JAKMIP3: variants seen among roughly 807,000 people sequenced by gnomAD.
JAKMIP3 encodes the protein Janus kinase and microtubule interacting protein 3.
JAKMIP3 carries 58 observed loss-of-function variants against 118.5 expected under a neutral mutation model. That is an observed-to-expected ratio of 0.49 (90% CI 0.40 to 0.61). The LOEUF (loss-of-function observed/expected upper bound fraction) is 0.61. Among genes scored for constraint, JAKMIP3 ranks in the 20% least tolerant of loss-of-function variants. The pLI, the probability that JAKMIP3 is intolerant of heterozygous loss-of-function variation, is 0.00. For synonymous variants in JAKMIP3, 486 were observed against 451.2 expected (o/e 1.08, Z -0.98); for missense variants, 950 against 1,109.0 (o/e 0.86, Z 2.04).
intron 23 of JAKMIP3, among the ~76,000 whole-genome samples, chr10:132,177,415 T>G (rs561193317): frequency 6.6e-6 from 1 of 151,728 alleles, no homozygotes; most frequent in East Asian, 1.9e-4. Context: ...GTGCATTTGG[T>G]CATGGTGTGT....
intron 19 of JAKMIP3, among the ~76,000 whole-genome samples, chr10:132,161,814 G>T (rs1271923758): frequency 1.7e-5 from 2 of 119,304 alleles, no homozygotes; most frequent in African/African-American, 6.7e-5. Context: ...TGTGATGCTG[G>T]GGGGGGCCTC....
chr10:132,117,388 G>A lies in JAKMIP3; in HGVS notation c.447G>A (p.Val149=). The A allele has an allele frequency of 6.2e-7, 1 of 1,614,012 alleles. No individual in the cohort carries two copies. The highest frequency in any genetic ancestry group is 8.5e-7 in the Non-Finnish European group (1 of 1,179,890). The change falls in exon 3 of 24, where the codon GTG becomes GTA. Residue 149 remains valine, a synonymous_variant. Transcript: ENST00000684848. This position sits in a 1 kb window ranked among gnomAD's most constrained non-coding sequence, Gnocchi z 8.6. ...AGGAGGCCAAGAAGGGGTTCGAGGT[G>A]GAGAAGGTCAAGATGCAGCAGGAGA... ...AKEEAKKGFE[V]EKVKMQQEIS... is the part of the protein sequence containing the mutation.
At chr10:132,038,369 TCCAGGCTCTGGGGTTTGGTC>T (rs2037587285) in intron 1 of JAKMIP3, among the ~76,000 whole-genome samples, 1 of 152,190 alleles carries the variant, frequency 6.6e-6, no homozygotes, top group Non-Finnish European at 1.5e-5. Flanking sequence ...GTCAGCAGGT[TCCAGGCTCTGGGGTTTGGTC>T]CCACAAGTGT....
intron 1 of JAKMIP3, among the ~76,000 whole-genome samples, chr10:132,078,704 G>T (rs1460920987): frequency 4.0e-5 from 6 of 151,720 alleles, no homozygotes; most frequent in Non-Finnish European, 5.9e-5. Context: ...TTCTTTTCCA[G>T]TTGGGTAAAA....
chr10:132,166,468 G>A (rs965099339), intron 21 of JAKMIP3, among the ~76,000 whole-genome samples: 3 of 152,200 alleles, frequency 2.0e-5, no homozygotes, highest in East Asian at 1.9e-4. Flanking sequence ...GACTGTGTGC[G>A]CTTTGTCTGC....
intron 10 of JAKMIP3, among the ~76,000 whole-genome samples, chr10:132,141,517 C>T (rs901978710): frequency 2.6e-5 from 4 of 152,164 alleles, no homozygotes; most frequent in African/African-American, 7.2e-5. Context: ...CTTCCCAGGA[C>T]GTGTTTCAGC....
Position 132,124,463 on chromosome 10 carries a change from C to T in JAKMIP3, c.633+6889C>T, listed in dbSNP as rs535154830. 1.6e-3 allele frequency among the ~76,000 whole-genome samples: 233 copies of T among 147,444 alleles called. 2 individuals are homozygous for T. The highest frequency in any genetic ancestry group is 5.6e-3 in the African/African-American group (225 of 40,180). ...GCACATCACCGCCGAGCCGGTGGGC[C>T]GCGCCATACACGTCCATTGCCACAC... On this transcript the variant is annotated intron_variant, in intron 3 of 23. Coordinates refer to ENST00000684848, the MANE Select transcript of JAKMIP3 (RefSeq NM_001323087.2).
At chr10:132,077,101 C>T (rs2040943037) in intron 1 of JAKMIP3, among the ~76,000 whole-genome samples, 1 of 152,206 alleles carries the variant, frequency 6.6e-6, no homozygotes, top group Non-Finnish European at 1.5e-5. Context: ...CTGCTCTTCC[C>T]CAAGTGGCAG....
At position 132,153,041 on chromosome 10, in the gene JAKMIP3, G is replaced by A. The variant is rs764132965; in HGVS notation, c.2073+18G>A. The stretch of plus-strand genomic sequence containing the variant: ...CCGAAAAGGTAACAGCAGCTGTGTG[G>A]ACAGTCGGGAGAGGGCCGGGCTCCT... On this transcript the variant is annotated intron_variant, in intron 17 of 23. Transcript: ENST00000684848. 2.6e-5 allele frequency: 42 copies of A among 1,597,018 alleles called. No individual in the cohort carries two copies. The South Asian group carries it at 4.8e-4, about 18-fold the overall frequency.
At chr10:132,088,156 C>T (rs907183681) in intron 1 of JAKMIP3, among the ~76,000 whole-genome samples, 13 of 151,764 alleles carry the variant, frequency 8.6e-5, no homozygotes, top group African/African-American at 2.7e-4. Context: ...TGAATAGTGC[C>T]GCAGTAAACA....
chr10:132,056,125 T>C (rs1475917219), intron 1 of JAKMIP3, among the ~76,000 whole-genome samples: 1 of 152,148 alleles, frequency 6.6e-6, no homozygotes, highest in Non-Finnish European at 1.5e-5. Flanking sequence ...GGCTCAGAAG[T>C]TGGAAAATCT....
chr10:132,054,330 A>T (rs1283446545), intron 1 of JAKMIP3, among the ~76,000 whole-genome samples: 2 of 152,058 alleles, frequency 1.3e-5, no homozygotes. Context: ...ACTTCAATTT[A>T]CCAAGAATTT....
intron 1 of JAKMIP3, among the ~76,000 whole-genome samples, chr10:132,045,688 G>A (rs1468761607): frequency 6.6e-6 from 1 of 152,214 alleles, no homozygotes; most frequent in Admixed American, 6.5e-5. Context: ...CAGCACTTTG[G>A]GAGACCGAGG....
At chr10:132,103,433 C>T (rs1454506745) in intron 1 of JAKMIP3, among the ~76,000 whole-genome samples, 2 of 82,030 alleles carry the variant, frequency 2.4e-5, no homozygotes, top group African/African-American at 1.2e-4. Context: ...AGGGGAGGAG[C>T]ACCTGGGGGA....
Position 132,117,493 on chromosome 10 carries a change from A to C in JAKMIP3, c.552A>C (p.Ala184=), listed in dbSNP as rs747891623. Residue 184 remains alanine (A), a synonymous_variant, in exon 3 of 24, where the codon GCA becomes GCC. Transcript: ENST00000684848. This position sits in a 1 kb window ranked among gnomAD's most constrained non-coding sequence, Gnocchi z 8.6. The stretch of plus-strand genomic sequence containing the variant: ...TCCAAGCGGACAAGATCAAGGCCGC[A>C]GAGATCCGCAGCGTGTACCACCTGC... ...LVIQADKIKA[A]EIRSVYHLHQ... 3 of 1,612,370 alleles carry C rather than the reference A, an allele frequency of 1.9e-6. No homozygotes were observed. The highest frequency in any genetic ancestry group is 1.3e-5 in the African/African-American group (1 of 74,914).
In JAKMIP3 at chr10:132,117,534, C is replaced by A. The variant is rs762161821; in HGVS notation, c.593C>A (p.Thr198Asn). 3 of 1,589,360 alleles carry A rather than the reference C, an allele frequency of 1.9e-6. No individual in the cohort carries two copies. Among genetic ancestry groups the A allele is most frequent in the African/African-American group, 1.3e-5 (1 of 74,502 alleles). The change falls in exon 3 of 24, where the codon ACC becomes AAC. Residue 198 changes from threonine (T) to asparagine (N), a missense_variant. By Grantham distance (65) the Thr-to-Asn change is moderately conservative. Transcript: ENST00000684848. This position sits in a 1 kb window ranked among gnomAD's most constrained non-coding sequence, Gnocchi z 8.6. ...TACCACCTGCACCAGGAGGAGATCA[C>A]CCGCATCAAGAAGGAGTGCGAGCGG... ...SVYHLHQEEITRIKKECEREI... is the reference protein window; with the variant it reads ...SVYHLHQEEINRIKKECEREI...
rs958914604 is a variant in JAKMIP3, at chr10:132,155,240, G to A, written c.2220+1250G>A. The stretch of plus-strand genomic sequence containing the variant: ...TGATGATGGTGATGATGGTGGTGGT[G>A]GTGATGAGGATGGTAATGATAGTGT... On this transcript the variant is annotated intron_variant, in intron 19 of 23. Coordinates refer to ENST00000684848, the MANE Select transcript of JAKMIP3 (RefSeq NM_001323087.2). Among the ~76,000 whole-genome samples the A allele has an allele frequency of 3.9e-5, 6 of 152,018 alleles. No homozygotes were observed. The East Asian group carries it at 1.2e-3, about 30-fold the overall frequency.
intron 2 of JAKMIP3, among the ~76,000 whole-genome samples, chr10:132,115,575 AC>A (rs1418339581): frequency 6.6e-6 from 1 of 152,240 alleles, no homozygotes; most frequent in Non-Finnish European, 1.5e-5. Context: ...GCAGGACAGG[AC>A]TGGCAGAGGA....
At chr10:132,126,354 G>A (rs1345378381) in intron 3 of JAKMIP3, among the ~76,000 whole-genome samples, 1 of 151,294 alleles carries the variant, frequency 6.6e-6, no homozygotes, top group Non-Finnish European at 1.5e-5. Context: ...CCAGGCTGGA[G>A]TGCAGTGGTA....
Sources: allele counts gnomAD v4.1 joint callset (sites outside exome capture counted in the v4.1 genomes callset), GRCh38; gene constraint gnomAD v4.1.1; non-coding constraint Gnocchi (gnomAD v3.1); transcripts MANE v1.5; gene names NCBI Gene and HGNC (gene_info 2026-07-23, HGNC 2026-07-21).